ANGPTL5: variants seen among roughly 807,000 people sequenced by gnomAD.
ANGPTL5 encodes the protein angiopoietin-related protein 5.
Under a neutral mutation model 39.4 loss-of-function variants are expected in ANGPTL5, and 34 were observed. That is an observed-to-expected ratio of 0.86 (90% confidence interval 0.66 to 1.15). ANGPTL5 has a LOEUF of 1.15. Among genes scored for constraint, ANGPTL5 ranks in the 50% most tolerant of loss-of-function variants. The probability of loss-of-function intolerance (pLI) is 0.00; values close to 1 mark genes in which losing one functional copy is unlikely to be tolerated. For synonymous variants in ANGPTL5, 146 were observed against 152.1 expected (o/e 0.96, Z 0.29); for missense variants, 467 against 457.5 (o/e 1.02, Z -0.19).
chr11:101,907,505 CT>C (rs139474333), intron 2 of ANGPTL5, among the ~76,000 whole-genome samples: 28 of 150,826 alleles, frequency 1.9e-4, no homozygotes, highest in African/African-American at 6.3e-4. Flanking sequence ...TGTGGAACAG[CT>C]TTTTTTTTAA....
chr11:101,898,243 G>C (rs1380158008), intron 7 of ANGPTL5, among the ~76,000 whole-genome samples: 2 of 152,112 alleles, frequency 1.3e-5, no homozygotes, highest in Non-Finnish European at 2.9e-5. Flanking sequence ...AATTACTTTG[G>C]GCAGTATGGC....
chr11:101,896,160 T>G (rs1591251797), intron 7 of ANGPTL5, among the ~76,000 whole-genome samples: 2 of 22,070 alleles, frequency 9.1e-5, no homozygotes, highest in Non-Finnish European at 1.6e-4. Context: ...AATCCTATAT[T>G]TATTTATTTA....
chr11:101,911,177 G>A (rs1361952359), intron 1 of ANGPTL5, among the ~76,000 whole-genome samples: 2 of 117,878 alleles, frequency 1.7e-5, no homozygotes, highest in Non-Finnish European at 3.3e-5. Context: ...AGGCTGGAAT[G>A]CAATTGCACA....
chr11:101,900,820 T>C (rs1298515109), intron 6 of ANGPTL5, among the ~76,000 whole-genome samples: 1 of 152,104 alleles, frequency 6.6e-6, no homozygotes, highest in East Asian at 1.9e-4. Flanking sequence ...CTTATAACAA[T>C]CATTTTTAAA....
In ANGPTL5 at chr11:101,894,933, C is replaced by T; in HGVS notation, c.793G>A (p.Glu265Lys). 1 of 1,613,540 alleles carries T rather than the reference C, an allele frequency of 6.2e-7. No individual in the cohort carries two copies. Among genetic ancestry groups the T allele is most frequent in the South Asian group, 1.1e-5 (1 of 91,064 alleles). The change falls in exon 8 of 9, where the codon GAG becomes AAG. Residue 265 changes from glutamate (E) to lysine (K), a missense_variant. Coordinates refer to ENST00000334289, the MANE Select transcript of ANGPTL5 (RefSeq NM_178127.5). Reference protein sequence around the residue: ...AYASYDNFWLEDETRFFKMHL... With the variant: ...AYASYDNFWLKDETRFFKMHL... ...ATTTTAAAAAATCTCGTTTCATCCTCTAGCCAAAAATTATCATATGATGCA... is the reference window on the plus strand; with the variant it reads ...ATTTTAAAAAATCTCGTTTCATCCTTTAGCCAAAAATTATCATATGATGCA...
At chr11:101,893,371 A>G (rs1448277928) in intron 8 of ANGPTL5, among the ~76,000 whole-genome samples, 1 of 152,214 alleles carries the variant, frequency 6.6e-6, no homozygotes, top group African/African-American at 2.4e-5. Context: ...TCAAAGCCAA[A>G]TTTGTGACCT....
At chr11:101,907,737 T>A (rs1940022572) in intron 2 of ANGPTL5, 77 bp downstream of exon 2, 9 of 943,602 alleles carry the variant, frequency 9.5e-6, no homozygotes, top group Non-Finnish European at 1.5e-5. Flanking sequence ...TTATGATTAA[T>A]CTTTTCAAAA....
intron 1 of ANGPTL5, among the ~76,000 whole-genome samples, chr11:101,908,313 T>C (rs1940032241): frequency 6.6e-6 from 1 of 152,158 alleles, no homozygotes; most frequent in African/African-American, 2.4e-5. Flanking sequence ...ATGGCTTTGA[T>C]AAGCTATACA....
intron 1 of ANGPTL5, among the ~76,000 whole-genome samples, chr11:101,910,094 A>G (rs1316572629): frequency 6.6e-6 from 1 of 152,112 alleles, no homozygotes; most frequent in East Asian, 1.9e-4. Context: ...AATTCTGTTT[A>G]TTTTCTGTTC....
intron 1 of ANGPTL5, among the ~76,000 whole-genome samples, chr11:101,913,309 T>A (rs1596119): frequency 1.3e-5 from 2 of 152,018 alleles, no homozygotes; most frequent in African/African-American, 4.8e-5. Context: ...AAAATGAACA[T>A]GGGTCATATG....
intron 5 of ANGPTL5, 31 bp from the exon 6 acceptor site, chr11:101,902,752 T>C: frequency 1.4e-6 from 2 of 1,388,544 alleles, no homozygotes; most frequent in Non-Finnish European, 2.0e-6. Context: ...AATTGGGATA[T>C]TTTCAAATGT....
intron 8 of ANGPTL5, among the ~76,000 whole-genome samples, chr11:101,894,253 A>G (rs1245286006): frequency 6.6e-6 from 1 of 152,252 alleles, no homozygotes; most frequent in East Asian, 1.9e-4. Flanking sequence ...ATAATGAACA[A>G]GTACCACAAA....
At chr11:101,900,332 C>A (rs756155205) in intron 7 of ANGPTL5, 98 bp downstream of exon 7, 115 of 1,221,750 alleles carry the variant, frequency 9.4e-5, no homozygotes, top group Non-Finnish European at 1.3e-4. Context: ...TATTTGCAAG[C>A]ATTTGCTATT....
At chr11:101,902,762 T>C (rs1565340705) in intron 5 of ANGPTL5, 41 bp from the exon 6 acceptor site, 4 of 1,294,178 alleles carry the variant, frequency 3.1e-6, no homozygotes, top group Non-Finnish European at 3.4e-6. Flanking sequence ...TTTTCAAATG[T>C]ACATTTAAGG....
At chr11:101,908,103 T>C (rs557469934) in intron 1 of ANGPTL5, 102 bp from the exon 2 acceptor site, 44 of 498,574 alleles carry the variant, frequency 8.8e-5, no homozygotes, top group African/African-American at 7.9e-4. Context: ...CCTCTGGAGA[T>C]CCTGACATTT....
intron 7 of ANGPTL5, among the ~76,000 whole-genome samples, chr11:101,897,720 G>A (rs1021823448): frequency 6.6e-6 from 1 of 152,104 alleles, no homozygotes; most frequent in East Asian, 1.9e-4. Context: ...CCATATATCT[G>A]TTTTGGTACC....
intron 1 of ANGPTL5, among the ~76,000 whole-genome samples, chr11:101,914,378 C>A (rs188407356): frequency 1.3e-5 from 2 of 152,204 alleles, no homozygotes; most frequent in Admixed American, 1.3e-4. Context: ...AAAACCATTT[C>A]AATGCGATGA....
chr11:101,914,852 C>T lies in ANGPTL5; in HGVS notation c.-93+1167G>A, dbSNP rs753718875. On this transcript the variant is annotated intron_variant, in intron 1 of 8. Transcript: ENST00000334289. ...CTGCATCAGGCTCTAAAACAACACT[C>T]AGCTCACCCCTCGCGCAACAACCCG... Among the ~76,000 whole-genome samples, 6 of 152,206 alleles carry T rather than the reference C, an allele frequency of 3.9e-5. No homozygotes were observed. In the East Asian group the frequency reaches 5.8e-4, roughly 15 times the overall value.
intron 1 of ANGPTL5, among the ~76,000 whole-genome samples, chr11:101,908,433 C>T (rs181354608): frequency 1.3e-5 from 2 of 152,164 alleles, no homozygotes; most frequent in Admixed American, 6.5e-5. Context: ...GAAATTTGAT[C>T]GAGGTGGACA....
Sources: allele counts gnomAD v4.1 joint callset (sites outside exome capture counted in the v4.1 genomes callset), GRCh38; gene constraint gnomAD v4.1.1; transcripts MANE v1.5; gene names NCBI Gene and HGNC (gene_info 2026-07-23, HGNC 2026-07-21).